Variants in PHTF2 observed in about 807,000 individuals in gnomAD.
PHTF2 encodes the protein putative homeodomain transcription factor 2.
A neutral mutation model predicts 101.2 loss-of-function variants in PHTF2; 60 were observed. That is an observed-to-expected ratio of 0.59 (90% CI 0.48 to 0.73). The LOEUF is 0.73. Among genes scored for constraint, PHTF2 ranks in the 30% least tolerant of loss-of-function variants. The pLI, the probability that PHTF2 is intolerant of heterozygous loss-of-function variation, is 0.00. For synonymous variants in PHTF2, 311 were observed against 307.3 expected (o/e 1.01, Z -0.13); for missense variants, 747 against 908.7 (o/e 0.82, Z 2.29).
chr7:77,902,731 C>A (rs1021060063), intron 7 of PHTF2, among the ~76,000 whole-genome samples: 1 of 150,856 alleles, frequency 6.6e-6, no homozygotes, highest in East Asian at 1.9e-4. Flanking sequence ...AAAAAAAAAC[C>A]ATGATTACAA....
chr7:77,824,607 T>C (rs1442332581), intron 1 of PHTF2, among the ~76,000 whole-genome samples: 1 of 152,176 alleles, frequency 6.6e-6, no homozygotes, highest in African/African-American at 2.4e-5. Context: ...TGTATTTTAG[T>C]AGAGATGTTT....
chr7:77,918,098 CGTA>C (rs1803100015), intron 9 of PHTF2, among the ~76,000 whole-genome samples: 1 of 152,256 alleles, frequency 6.6e-6, no homozygotes, highest in African/African-American at 2.4e-5. Flanking sequence ...CCTGCTTTCA[CGTA>C]GTATTTACCC....
At chr7:77,842,556 A>C (rs568261182) in intron 2 of PHTF2, among the ~76,000 whole-genome samples, 4 of 150,002 alleles carry the variant, frequency 2.7e-5, no homozygotes, top group South Asian at 4.2e-4. Flanking sequence ...GGATTATTGC[A>C]AAAAAAAAGC....
intron 2 of PHTF2, among the ~76,000 whole-genome samples, chr7:77,845,739 G>A (rs1217491038): frequency 6.6e-6 from 1 of 152,128 alleles, no homozygotes; most frequent in Non-Finnish European, 1.5e-5. Flanking sequence ...TGGCTCAAAA[G>A]TATTAAGTCT....
intron 16 of PHTF2, among the ~76,000 whole-genome samples, chr7:77,947,837 C>CTTTTTTTTTT (rs71082798): frequency 0.016 from 1,163 of 73,728 alleles, 206 homozygotes; most frequent in African/African-American, 0.054. Context: ...TTTTTTCTTT[C>CTTTTTTTTTT]TTTTTTTTTT....
At chr7:77,923,163 GTTA>G (rs1158612222) in intron 11 of PHTF2, 5 of 959,356 alleles carry the variant, frequency 5.2e-6, no homozygotes, top group East Asian at 1.1e-4. Context: ...GCTGTCACCA[GTTA>G]TTAAGTCCCC....
intron 3 of PHTF2, among the ~76,000 whole-genome samples, chr7:77,888,558 G>A (rs965650218): frequency 6.6e-5 from 10 of 152,224 alleles, no homozygotes; most frequent in South Asian, 2.1e-4. Flanking sequence ...CAAAAATTTC[G>A]AAGTCGTCAA....
chr7:77,840,939 C>G (rs2150579078), intron 2 of PHTF2, among the ~76,000 whole-genome samples: 1 of 151,710 alleles, frequency 6.6e-6, no homozygotes, highest in Non-Finnish European at 1.5e-5. Context: ...TGTGTAATAC[C>G]TTAGATCTTT....
In PHTF2 at chr7:77,846,378, C is replaced by G. The variant is rs550181958; in HGVS notation, c.45+6078C>G. 7.9e-5 allele frequency among the ~76,000 whole-genome samples: 12 copies of G among 152,256 alleles called. No homozygotes were observed. In the South Asian group the frequency reaches 2.5e-3, roughly 32 times the overall value. On this transcript the variant is annotated intron_variant, in intron 2 of 19. Transcript: ENST00000416283. The stretch of plus-strand genomic sequence containing the variant: ...AAAGTCTCTCACATCCTAAAAACAA[C>G]CAATAATAATAATAGCAAACCTTAT...
chr7:77,833,292 CAA>C (rs1414947432), intron 1 of PHTF2, among the ~76,000 whole-genome samples: 2 of 152,094 alleles, frequency 1.3e-5, no homozygotes, highest in African/African-American at 2.4e-5. Flanking sequence ...ATGGTTGAAA[CAA>C]GACATATGAG....
intron 7 of PHTF2, among the ~76,000 whole-genome samples, chr7:77,906,814 A>C (rs1386483859): frequency 6.6e-6 from 1 of 152,038 alleles, no homozygotes; most frequent in Non-Finnish European, 1.5e-5. Context: ...AGCCTGAGGC[A>C]GGAGAATGGC....
intron 12 of PHTF2, among the ~76,000 whole-genome samples, chr7:77,935,122 C>CA (rs1491426879): frequency 3.8e-5 from 2 of 53,284 alleles, no homozygotes; most frequent in African/African-American, 1.4e-4. Flanking sequence ...GTGTACATTC[C>CA]CCCCCCCCAC....
At chr7:77,841,955 T>C (rs1449736107) in intron 2 of PHTF2, among the ~76,000 whole-genome samples, 3 of 152,208 alleles carry the variant, frequency 2.0e-5, no homozygotes, top group Admixed American at 6.5e-5. Context: ...TTAAACACTT[T>C]AGACTTTACT....
At chr7:77,902,901 ATTT>A (rs1231340488) in intron 7 of PHTF2, among the ~76,000 whole-genome samples, 3 of 152,142 alleles carry the variant, frequency 2.0e-5, no homozygotes, top group Non-Finnish European at 2.9e-5. Context: ...GACTATGATA[ATTT>A]TGTGGTTTGT....
At chr7:77,824,202 G>GA (rs1794528909) in intron 1 of PHTF2, among the ~76,000 whole-genome samples, 1 of 151,808 alleles carries the variant, frequency 6.6e-6, no homozygotes, top group Admixed American at 6.6e-5. Flanking sequence ...TTCTTTGTTG[G>GA]AAAATTGAGC....
intron 1 of PHTF2, among the ~76,000 whole-genome samples, chr7:77,815,219 G>T (rs997238505): frequency 5.9e-5 from 9 of 152,128 alleles, no homozygotes; most frequent in Non-Finnish European, 1.3e-4. Context: ...TTCAGCCTTT[G>T]CTGGGAACAT....
At chr7:77,941,192 CT>C (rs909859356) in intron 15 of PHTF2, among the ~76,000 whole-genome samples, 3 of 152,112 alleles carry the variant, frequency 2.0e-5, no homozygotes, top group African/African-American at 7.2e-5. Flanking sequence ...ACCAATCATC[CT>C]CTGACATACC....
intron 3 of PHTF2, among the ~76,000 whole-genome samples, chr7:77,889,784 A>G (rs1292929230): frequency 2.0e-5 from 3 of 151,830 alleles, no homozygotes; most frequent in Non-Finnish European, 4.4e-5. Flanking sequence ...GTGTTTTAGT[A>G]GAGACAGGGT....
intron 3 of PHTF2, among the ~76,000 whole-genome samples, chr7:77,875,715 G>A (rs777436978): frequency 2.0e-5 from 3 of 151,886 alleles, no homozygotes; most frequent in South Asian, 2.1e-4. Flanking sequence ...CTGCCACCAC[G>A]CCTGGCTAAT....
Sources: allele counts gnomAD v4.1 joint callset (sites outside exome capture counted in the v4.1 genomes callset), GRCh38; gene constraint gnomAD v4.1.1; transcripts MANE v1.5; gene names NCBI Gene and HGNC (gene_info 2026-07-23, HGNC 2026-07-21).